The following KIAA1217 variants were observed in gnomAD, a reference collection of about 807,000 sequenced individuals.
KIAA1217 encodes sickle tail protein homolog.
Under a neutral mutation model 163.9 loss-of-function variants are expected in KIAA1217, and 88 were observed. That is an observed-to-expected ratio of 0.54 (90% CI 0.45 to 0.64). KIAA1217 has a LOEUF of 0.64. Ranked by LOEUF, KIAA1217 falls within the 30% of genes least tolerant of loss-of-function variation. The probability of loss-of-function intolerance (pLI) is 0.00; values close to 1 mark genes in which losing one functional copy is unlikely to be tolerated. For missense variants in KIAA1217, 2,372 were observed against 2,475.0 expected, an observed-to-expected ratio of 0.96 and a Z score of 0.88; for synonymous variants, 903 against 923.1, an observed-to-expected ratio of 0.98 and a Z score of 0.39.
At chr10:23,985,869 C>T (rs1488434947) in intron 1 of KIAA1217, among the ~76,000 whole-genome samples, 1 of 152,128 alleles carries the variant, frequency 6.6e-6, no homozygotes, top group Non-Finnish European at 1.5e-5. Context: ...CTGTAGGCTG[C>T]CCCTCTTGTA....
intron 2 of KIAA1217, among the ~76,000 whole-genome samples, chr10:24,220,645 G>A (rs1359506925): frequency 1.3e-5 from 2 of 150,930 alleles, no homozygotes; most frequent in Non-Finnish European, 3.0e-5. Context: ...TAGTAGAGAC[G>A]GTGTTTCATC....
intron 1 of KIAA1217, among the ~76,000 whole-genome samples, chr10:23,700,203 A>T (rs1588621483): frequency 6.6e-6 from 1 of 152,032 alleles, no homozygotes; most frequent in Non-Finnish European, 1.5e-5. Context: ...TGAGCCAAAA[A>T]CCTCGGAGTC....
At chr10:24,052,614 G>T (rs1011407549) in intron 2 of KIAA1217, among the ~76,000 whole-genome samples, 19 of 151,734 alleles carry the variant, frequency 1.3e-4, no homozygotes, top group African/African-American at 3.9e-4. Context: ...TAGTTTTCAA[G>T]TCTAATGAGC....
At chr10:23,742,047 G>T (rs1233726574) in intron 1 of KIAA1217, among the ~76,000 whole-genome samples, 2 of 152,196 alleles carry the variant, frequency 1.3e-5, no homozygotes, top group East Asian at 3.8e-4. Context: ...CCAATTAAGG[G>T]CTAATGTAAT....
intron 1 of KIAA1217, among the ~76,000 whole-genome samples, chr10:23,951,444 A>G (rs1844332486): frequency 6.6e-6 from 1 of 152,184 alleles, no homozygotes; most frequent in Non-Finnish European, 1.5e-5. Flanking sequence ...GCTTGAGCCC[A>G]GGAGATTGAG....
chr10:24,029,440 CT>C (rs1364963961), intron 2 of KIAA1217, among the ~76,000 whole-genome samples: 2 of 152,078 alleles, frequency 1.3e-5, no homozygotes, highest in Non-Finnish European at 2.9e-5. Flanking sequence ...GTGTGAGCTG[CT>C]TTTTGCTCAT....
chr10:23,975,555 A>G (rs889823907), intron 1 of KIAA1217, among the ~76,000 whole-genome samples: 3 of 152,212 alleles, frequency 2.0e-5, no homozygotes, highest in African/African-American at 4.8e-5. Flanking sequence ...TGAGTGAGTC[A>G]AAGGATCTCA....
chr10:24,179,184 A>G (rs1033609971), intron 2 of KIAA1217, among the ~76,000 whole-genome samples: 3 of 152,254 alleles, frequency 2.0e-5, no homozygotes, highest in South Asian at 2.1e-4. Flanking sequence ...TACATTGTGT[A>G]TAAGTGACAA....
At chr10:24,291,299 C>T (rs963894893) in intron 2 of KIAA1217, among the ~76,000 whole-genome samples, 8 of 152,134 alleles carry the variant, frequency 5.3e-5, no homozygotes, top group South Asian at 2.1e-4. Context: ...GAGGCTGAGG[C>T]GGGCGGATCA....
At chr10:23,757,197 T>A (rs1833963477) in intron 1 of KIAA1217, among the ~76,000 whole-genome samples, 2 of 152,168 alleles carry the variant, frequency 1.3e-5, no homozygotes, top group South Asian at 4.1e-4. Context: ...TGGAAATATA[T>A]CTTCGAGATC....
At chr10:24,012,285 C>T (rs1203852450) in intron 2 of KIAA1217, among the ~76,000 whole-genome samples, 2 of 152,012 alleles carry the variant, frequency 1.3e-5, no homozygotes, top group Non-Finnish European at 2.9e-5. Context: ...AAGAGAAAAC[C>T]AAGCCAGGTA....
Position 23,775,500 on chromosome 10 carries a change from G to A in KIAA1217, c.-321+80266G>A, listed in dbSNP as rs549063282. On this transcript the variant is annotated intron_variant, in intron 1 of 18. Transcript: ENST00000376462. Reference sequence around the variant, plus strand: ...GACACCCAGGTGCCAGTGTGCACCCGGCACTGAGAAATGAGGTCAGGGCTG... The same window carrying A: ...GACACCCAGGTGCCAGTGTGCACCCAGCACTGAGAAATGAGGTCAGGGCTG... 5.6e-3 allele frequency among the ~76,000 whole-genome samples: 853 copies of A among 152,200 alleles called. 7 individuals are homozygous for A. Among genetic ancestry groups the A allele is most frequent in the African/African-American group, 0.019 (771 of 41,518 alleles).
At chr10:24,271,782 CTG>C (rs1481857285) in intron 2 of KIAA1217, among the ~76,000 whole-genome samples, 1 of 151,798 alleles carries the variant, frequency 6.6e-6, no homozygotes, top group Non-Finnish European at 1.5e-5. Context: ...AATAATGAAA[CTG>C]TGCACACGCA....
At chr10:24,474,368 T>A (rs2063800973) in intron 6 of KIAA1217, among the ~76,000 whole-genome samples, 2 of 152,214 alleles carry the variant, frequency 1.3e-5, no homozygotes, top group Non-Finnish European at 2.9e-5. Context: ...CTGAATAATT[T>A]GGAAGAAAAT....
At chr10:24,501,685 G>A (rs1457490476) in intron 9 of KIAA1217, 140 bp downstream of exon 9, 1 of 350,802 alleles carries the variant, frequency 2.9e-6, no homozygotes, top group South Asian at 4.0e-5. Context: ...CACAATCCAA[G>A]TCTAGAGCCT....
At chr10:24,061,957 T>C (rs1484140953) in intron 2 of KIAA1217, among the ~76,000 whole-genome samples, 2 of 152,124 alleles carry the variant, frequency 1.3e-5, no homozygotes, top group Non-Finnish European at 2.9e-5. Flanking sequence ...CCATTATTCA[T>C]TTGAATAAGC....
Position 24,533,196 on chromosome 10 carries a change from G to A in KIAA1217, c.3373G>A (p.Glu1125Lys). ...CACCTCCTCCTCAAAGGATGAGGAGGAAGAAGAAGAAGAAGGAGACAAAAT... is the reference window on the plus strand; with the variant it reads ...CACCTCCTCCTCAAAGGATGAGGAGAAAGAAGAAGAAGAAGGAGACAAAAT... ...VTTSSSKDEE[E>K]EEEEGDKIMA... is the part of the protein sequence containing the mutation. The change falls in exon 16 of 21, where the codon GAA (glutamate) becomes AAA (lysine). Residue 1125 changes from glutamate (E) to lysine (K), a missense_variant. Around this residue, in one of 3 missense-constraint regions of KIAA1217, gnomAD observed 1,431 missense variants for 1,470.3 expected, o/e 0.97. Coordinates refer to ENST00000376454, the MANE Select transcript of KIAA1217 (RefSeq NM_019590.5). The A allele has an allele frequency of 6.4e-7, 1 of 1,572,570 alleles. No individual in the cohort carries two copies. The highest frequency in any genetic ancestry group is 8.7e-7 in the Non-Finnish European group (1 of 1,150,514).
Position 24,528,133 on chromosome 10 carries a change from C to T in KIAA1217, c.3082+14C>T, listed in dbSNP as rs199612421. 6.2e-7 allele frequency: 1 copy of T among 1,612,674 alleles called. No individual in the cohort carries two copies. Among genetic ancestry groups the T allele is most frequent in the Admixed American group, 1.7e-5 (1 of 59,878 alleles). On this transcript the variant is annotated intron_variant, in intron 14 of 20. Transcript: ENST00000376454. ...TGGAACTTTCAGGTAAGTTCCGGTCCCACAGCAGGAATATATGGAGGTACA... is the reference window on the plus strand; with the variant it reads ...TGGAACTTTCAGGTAAGTTCCGGTCTCACAGCAGGAATATATGGAGGTACA...
At chr10:24,008,773 G>A (rs1007579565) in intron 2 of KIAA1217, among the ~76,000 whole-genome samples, 1 of 152,106 alleles carries the variant, frequency 6.6e-6, no homozygotes, top group Non-Finnish European at 1.5e-5. Context: ...GAGAAGCCAG[G>A]GATCAGACAT....
Sources: gnomAD v4.1 joint callset for allele counts (sites outside exome capture counted in the v4.1 genomes callset) on GRCh38, gnomAD v4.1.1 for gene constraint, gnomAD v4.1.1 regional missense constraint, MANE v1.5 for transcripts, NCBI Gene and HGNC (gene_info 2026-07-23, HGNC 2026-07-21) for gene names.